Variants in FBXL20 observed in about 807,000 individuals in gnomAD.
FBXL20 encodes F-box and leucine rich repeat protein 20.
A neutral mutation model predicts 64.0 loss-of-function variants in FBXL20; 11 were observed. That is an observed-to-expected ratio of 0.17 (90% CI 0.11 to 0.28). FBXL20 has a LOEUF of 0.28. Among genes scored for constraint, FBXL20 ranks in the 10% least tolerant of loss-of-function variants. The probability of loss-of-function intolerance (pLI) is 1.00; values close to 1 mark genes in which losing one functional copy is unlikely to be tolerated. For missense variants in FBXL20, 303 were observed against 526.2 expected, an observed-to-expected ratio of 0.58 and a Z score of 4.15; for synonymous variants, 184 against 189.0, an observed-to-expected ratio of 0.97 and a Z score of 0.22.
chr17:39,374,527 C>T (rs902248264), intron 1 of FBXL20, among the ~76,000 whole-genome samples: 17 of 151,004 alleles, frequency 1.1e-4, no homozygotes, highest in African/African-American at 3.9e-4. Context: ...GGCAATAGAG[C>T]GAGACTCCAT....
At chr17:39,385,860 T>C (rs192768281) in intron 1 of FBXL20, among the ~76,000 whole-genome samples, 182 of 150,746 alleles carry the variant, frequency 1.2e-3, no homozygotes, top group Admixed American at 2.6e-3. Context: ...TGAAATCCTG[T>C]CTCTACTAAA....
At chr17:39,297,871 A>G (rs978339002) in intron 5 of FBXL20, among the ~76,000 whole-genome samples, 2 of 151,622 alleles carry the variant, frequency 1.3e-5, no homozygotes, top group African/African-American at 4.8e-5. Context: ...GAGTAGCTGG[A>G]ATTACAGGCA....
intron 10 of FBXL20, among the ~76,000 whole-genome samples, chr17:39,274,347 T>C (rs184636090): frequency 3.3e-5 from 5 of 152,282 alleles, no homozygotes; most frequent in Admixed American, 3.3e-4. Flanking sequence ...GAGGCAGGCA[T>C]ACACAACACT....
In FBXL20 at chr17:39,261,323, TG is replaced by T; in HGVS notation, c.*136del. The T allele has an allele frequency of 2.7e-6, 2 of 734,494 alleles. No individual in the cohort carries two copies. The highest frequency in any genetic ancestry group is 2.5e-6 in the Non-Finnish European group (1 of 405,208). The allele number at this position is 734,494 out of a possible 1,614,324, so 45.5% of individuals were successfully genotyped here. On this transcript the variant is annotated 3_prime_UTR_variant, in exon 15 of 15. Coordinates refer to ENST00000264658, the MANE Select transcript of FBXL20 (RefSeq NM_032875.3). Reference sequence around the variant, plus strand: ...GTGTATGTGTATGTATGTGTGGCTCTGGGGATCTGGACACTGCCCTCCCTCA... The same window carrying T: ...GTGTATGTGTATGTATGTGTGGCTCTGGGATCTGGACACTGCCCTCCCTCA...
chr17:39,345,751 G>C (rs2047626963), intron 1 of FBXL20, among the ~76,000 whole-genome samples: 1 of 152,068 alleles, frequency 6.6e-6, no homozygotes, highest in South Asian at 2.1e-4. Flanking sequence ...ATGTTGGCCA[G>C]GCTGGTCTCA....
chr17:39,263,994 C>T (rs1381674612), intron 14 of FBXL20, 181 bp downstream of exon 14: 1 of 620,418 alleles, frequency 1.6e-6, no homozygotes, highest in Non-Finnish European at 2.7e-6. Flanking sequence ...TACTAAATTT[C>T]CATCTCTGGA....
chr17:39,348,465 A>T (rs79141356), intron 1 of FBXL20, among the ~76,000 whole-genome samples: 6,841 of 131,354 alleles, frequency 0.052, 514 homozygotes, highest in African/African-American at 0.22. Context: ...TCTCAAAAAA[A>T]AGAAAAAAAA....
chr17:39,351,570 C>A (rs1240604511), intron 1 of FBXL20, among the ~76,000 whole-genome samples: 1 of 152,058 alleles, frequency 6.6e-6, no homozygotes, highest in Non-Finnish European at 1.5e-5. Context: ...TAGATCAAGG[C>A]TATAACAAAT....
intron 2 of FBXL20, among the ~76,000 whole-genome samples, chr17:39,339,352 A>G (rs1424108969): frequency 6.6e-6 from 1 of 152,098 alleles, no homozygotes; most frequent in African/African-American, 2.4e-5. Context: ...CCTGAGTCCC[A>G]GCTACTTAAG....
intron 1 of FBXL20, among the ~76,000 whole-genome samples, chr17:39,353,774 C>G (rs1033137089): frequency 2.6e-5 from 4 of 152,056 alleles, no homozygotes; most frequent in Non-Finnish European, 5.9e-5. Context: ...AGACACGCGC[C>G]ACCACACCCA....
intron 1 of FBXL20, among the ~76,000 whole-genome samples, chr17:39,400,705 G>A (rs2048232984): frequency 6.6e-6 from 1 of 152,154 alleles, no homozygotes; most frequent in African/African-American, 2.4e-5. Context: ...GTTCCTGAAA[G>A]ACAGACCGGA....
At chr17:39,280,552 G>A (rs1031618551) in intron 9 of FBXL20, among the ~76,000 whole-genome samples, 1 of 146,136 alleles carries the variant, frequency 6.8e-6, no homozygotes, top group African/African-American at 2.5e-5. Flanking sequence ...GGGTGACAGA[G>A]TAAGACTTTG....
At chr17:39,354,273 C>T (rs562958642) in intron 1 of FBXL20, among the ~76,000 whole-genome samples, 2 of 152,294 alleles carry the variant, frequency 1.3e-5, no homozygotes, top group East Asian at 1.9e-4. Flanking sequence ...GGACCATTTG[C>T]TTCTCCTCAA....
At chr17:39,353,497 G>GA (rs1196015673) in intron 1 of FBXL20, among the ~76,000 whole-genome samples, 14 of 152,080 alleles carry the variant, frequency 9.2e-5, no homozygotes, top group Non-Finnish European at 1.9e-4. Context: ...TATAAGTATA[G>GA]AAAAAATCAT....
At chr17:39,396,938 C>A (rs1406856849) in intron 1 of FBXL20, among the ~76,000 whole-genome samples, 1 of 140,004 alleles carries the variant, frequency 7.1e-6, no homozygotes. Flanking sequence ...GCCTGGGCGA[C>A]AGAGCAAGAC....
At chr17:39,279,259 G>A (rs1009827443) in intron 9 of FBXL20, among the ~76,000 whole-genome samples, 3 of 152,138 alleles carry the variant, frequency 2.0e-5, no homozygotes, top group African/African-American at 7.2e-5. Flanking sequence ...AGCACTTTGC[G>A]AGGCTGAGGC....
At chr17:39,395,581 G>C (rs1597840869) in intron 1 of FBXL20, among the ~76,000 whole-genome samples, 1 of 152,160 alleles carries the variant, frequency 6.6e-6, no homozygotes, top group African/African-American at 2.4e-5. Context: ...CAAACCAGTT[G>C]CTAGAGTGTT....
At position 39,282,773 on chromosome 17, in the gene FBXL20, C is replaced by T. The variant is rs768262481; in HGVS notation, c.577G>A (p.Gly193Ser). 2.5e-6 allele frequency: 4 copies of T among 1,614,004 alleles called. No homozygotes were observed. Among genetic ancestry groups the T allele is most frequent in the Non-Finnish European group, 2.5e-6 (3 of 1,180,022 alleles). Reference sequence around the variant, plus strand: ...AATAAGGCCTTGAGACCCCCACAGCCCCTCACTAGTGCTTGAATGCCATCC... The same window carrying T: ...AATAAGGCCTTGAGACCCCCACAGCTCCTCACTAGTGCTTGAATGCCATCC... The part of the protein sequence containing the change: ...TKDGIQALVR[G>S]CGGLKALFLK... The change falls in exon 8 of 15, where the codon GGC becomes AGC. Residue 193 changes from glycine to serine, a missense_variant. Coordinates refer to ENST00000264658, the MANE Select transcript of FBXL20 (RefSeq NM_032875.3).
intron 1 of FBXL20, among the ~76,000 whole-genome samples, chr17:39,353,771 C>T (rs2047710676): frequency 6.6e-6 from 1 of 151,896 alleles, no homozygotes; most frequent in African/African-American, 2.4e-5. Context: ...TACAGACACG[C>T]GCCACCACAC....
Sources: gnomAD v4.1 joint callset for allele counts (sites outside exome capture counted in the v4.1 genomes callset) on GRCh38, gnomAD v4.1.1 for gene constraint, MANE v1.5 for transcripts, NCBI Gene and HGNC (gene_info 2026-07-23, HGNC 2026-07-21) for gene names.